CRLF3: variants seen among roughly 807,000 people sequenced by gnomAD.
The protein encoded by CRLF3 is cytokine receptor like factor 3.
Under a neutral mutation model 55.0 loss-of-function variants are expected in CRLF3, and 33 were observed. That is an observed-to-expected ratio of 0.60 (90% CI 0.46 to 0.80). The LOEUF (loss-of-function observed/expected upper bound fraction) is 0.80. Among genes scored for constraint, CRLF3 ranks in the 30% least tolerant of loss-of-function variants. The pLI is 0.00. For synonymous variants in CRLF3, 238 were observed against 196.8 expected (o/e 1.21, Z -1.75); for missense variants, 494 against 538.4 (o/e 0.92, Z 0.82).
chr17:30,791,367 G>A (rs188920024), intron 6 of CRLF3, among the ~76,000 whole-genome samples: 9 of 151,782 alleles, frequency 5.9e-5, no homozygotes, highest in Middle Eastern at 3.4e-3. Context: ...CATTGCGCCT[G>A]TCCTAATATT....
chr17:30,809,866 G>A (rs1202018820), intron 1 of CRLF3: 1 of 152,216 alleles, frequency 6.6e-6, no homozygotes, highest in Admixed American at 6.6e-5. Flanking sequence ...GCCCAGGCTG[G>A]TCTCGAACTC....
At chr17:30,815,801 C>T (rs1222345711) in intron 1 of CRLF3, among the ~76,000 whole-genome samples, 2 of 151,008 alleles carry the variant, frequency 1.3e-5, no homozygotes, top group Non-Finnish European at 2.9e-5. Context: ...GCCTTGGCCT[C>T]CCTAAATCCT....
In CRLF3 at chr17:30,824,667, G is replaced by A. The variant is rs1239431092; in HGVS notation, c.-16C>T. 1.3e-6 allele frequency: 2 copies of A among 1,584,086 alleles called. No individual in the cohort carries two copies. Among genetic ancestry groups the A allele is most frequent in the Non-Finnish European group, 1.7e-6 (2 of 1,171,658 alleles). ...CCCCCCTCATCTGGCCGCGCGGCCG[G>A]CGAAACCTAGCGCGGGTTCCCGACT... On this transcript the variant is annotated 5_prime_UTR_variant, in exon 1 of 8. Coordinates refer to ENST00000324238, the MANE Select transcript of CRLF3 (RefSeq NM_015986.4).
intron 1 of CRLF3, among the ~76,000 whole-genome samples, chr17:30,821,537 C>T (rs926394610): frequency 6.6e-6 from 1 of 152,066 alleles, no homozygotes; most frequent in Non-Finnish European, 1.5e-5. Flanking sequence ...ATCCAAATGT[C>T]CATTAATTGA....
chr17:30,791,521 ATTTT>A (rs879662887), intron 6 of CRLF3, among the ~76,000 whole-genome samples: 3 of 130,270 alleles, frequency 2.3e-5, no homozygotes, highest in Non-Finnish European at 4.9e-5. Flanking sequence ...GGCCTCTAAA[ATTTT>A]TTTTTTTTTT....
chr17:30,814,670 A>C (rs906241713), intron 1 of CRLF3, among the ~76,000 whole-genome samples: 20 of 151,726 alleles, frequency 1.3e-4, no homozygotes, highest in Non-Finnish European at 2.6e-4. Context: ...AAAAAAAAAA[A>C]TAGTTCTCTA....
At chr17:30,802,097 C>A (rs1972014299) in intron 2 of CRLF3, among the ~76,000 whole-genome samples, 1 of 151,876 alleles carries the variant, frequency 6.6e-6, no homozygotes, top group Non-Finnish European at 1.5e-5. Flanking sequence ...GCTCTGAATC[C>A]CAAAGGAAAG....
rs1343735155 is a variant in CRLF3 at position 30,815,306 on chromosome 17, G to A, written c.129+9217C>T. Among the ~76,000 whole-genome samples the A allele has an allele frequency of 1.1e-4, 16 of 151,314 alleles. No homozygotes were observed. The East Asian group carries it at 2.8e-3, about 26-fold the overall frequency. On this transcript the variant is annotated intron_variant, in intron 1 of 7. Coordinates refer to ENST00000324238, the MANE Select transcript of CRLF3 (RefSeq NM_015986.4). ...TCAGCATGTTGGCCAGGCTGGTCTC[G>A]AACTCCTGACCTCAGGTGATCCACC...
intron 1 of CRLF3, among the ~76,000 whole-genome samples, chr17:30,807,032 C>T (rs937742915): frequency 3.3e-5 from 5 of 152,266 alleles, no homozygotes; most frequent in South Asian, 4.1e-4. Context: ...AGGATCACCA[C>T]TGCAACCTGA....
chr17:30,797,375 C>A lies in CRLF3; in HGVS notation c.361G>T (p.Val121Leu). Reference sequence around the variant, plus strand: ...CACAGTTTCTCATTCTCTTCTCCCACACCACCAAGCATGGCGATTTCACCT... The same window carrying A: ...CACAGTTTCTCATTCTCTTCTCCCAAACCACCAAGCATGGCGATTTCACCT... The part of the protein sequence containing the change: ...REGEIAMLGG[V>L]GEENEKLWSF... The change falls in exon 3 of 8, where the codon GTG becomes TTG. Residue 121 changes from valine to leucine, a missense_variant. Physicochemically the swap from Val to Leu is conservative, Grantham distance 32. Coordinates refer to ENST00000324238, the MANE Select transcript of CRLF3 (RefSeq NM_015986.4). 1 of 1,613,840 alleles carries A rather than the reference C, an allele frequency of 6.2e-7. No homozygotes were observed. The highest frequency in any genetic ancestry group is 8.5e-7 in the Non-Finnish European group (1 of 1,179,762).
At chr17:30,792,097 C>T (rs1174315311) in intron 6 of CRLF3, among the ~76,000 whole-genome samples, 1 of 152,178 alleles carries the variant, frequency 6.6e-6, no homozygotes, top group Non-Finnish European at 1.5e-5. Context: ...ATCCACCTGC[C>T]TCGGCCTACC....
intron 4 of CRLF3, among the ~76,000 whole-genome samples, chr17:30,794,563 C>T (rs985300416): frequency 2.0e-5 from 3 of 152,080 alleles, no homozygotes; most frequent in Admixed American, 6.6e-5. Context: ...TTTGAGAGGC[C>T]GAAGCGGGTG....
At chr17:30,791,592 A>C (rs1238069115) in intron 6 of CRLF3, among the ~76,000 whole-genome samples, 1 of 148,548 alleles carries the variant, frequency 6.7e-6, no homozygotes, top group Non-Finnish European at 1.5e-5. Flanking sequence ...ATCTCGGCTC[A>C]CTGCAAGCTC....
intron 2 of CRLF3, 192 bp downstream of exon 2, chr17:30,803,709 T>C: frequency 1.7e-6 from 1 of 598,832 alleles, no homozygotes; most frequent in Non-Finnish European, 3.0e-6. Context: ...TTGGCTCTCA[T>C]TCTCTTCTCT....
intron 1 of CRLF3, among the ~76,000 whole-genome samples, chr17:30,819,280 A>G (rs1904914564): frequency 6.6e-6 from 1 of 152,188 alleles, no homozygotes; most frequent in South Asian, 2.1e-4. Context: ...CACAGACTAA[A>G]ATACTGGCAT....
At position 30,783,670 on chromosome 17, in the gene CRLF3, G is replaced by C; in HGVS notation, c.*517C>G. On this transcript the variant is annotated 3_prime_UTR_variant, in exon 8 of 8. Transcript: ENST00000324238. ...TTGGGGACTTAAAGATTACTGAAGA[G>C]GGGATAAAAGTCAACACTGCTTACA... 1 of 152,390 alleles carries C rather than the reference G, an allele frequency of 6.6e-6. No individual in the cohort carries two copies. The highest frequency in any genetic ancestry group is 2.4e-5 in the African/African-American group (1 of 41,432). The allele number at this position is 152,390 out of a possible 1,614,324, so 9.4% of individuals were successfully genotyped here.
chr17:30,824,668 C>A lies in CRLF3; in HGVS notation c.-17G>T, dbSNP rs1413353281. The A allele has an allele frequency of 4.4e-6, 7 of 1,583,448 alleles. No individual in the cohort carries two copies. Among genetic ancestry groups the A allele is most frequent in the Middle Eastern group, 1.9e-4 (1 of 5,294 alleles). ...CCCCCTCATCTGGCCGCGCGGCCGGCGAAACCTAGCGCGGGTTCCCGACTG... is the reference window on the plus strand; with the variant it reads ...CCCCCTCATCTGGCCGCGCGGCCGGAGAAACCTAGCGCGGGTTCCCGACTG... On this transcript the variant is annotated 5_prime_UTR_variant, in exon 1 of 8. Coordinates refer to ENST00000324238, the MANE Select transcript of CRLF3 (RefSeq NM_015986.4).
intron 1 of CRLF3, among the ~76,000 whole-genome samples, chr17:30,807,512 CTTTCCTTTTTTTTT>C (rs1904444981): frequency 4.6e-5 from 3 of 65,678 alleles, no homozygotes; most frequent in African/African-American, 1.7e-4. Context: ...AAACAATTTT[CTTTCCTTTTTTTTT>C]TTTTTTTTTT....
At chr17:30,786,128 T>C (rs552332799) in intron 6 of CRLF3, 97 bp from the exon 7 acceptor site, 50 of 724,036 alleles carry the variant, frequency 6.9e-5, no homozygotes, top group African/African-American at 6.7e-4. Context: ...CTCACCACAA[T>C]TGTTTTTTTC....
Sources: gnomAD v4.1 joint callset for allele counts (sites outside exome capture counted in the v4.1 genomes callset) on GRCh38, gnomAD v4.1.1 for gene constraint, MANE v1.5 for transcripts, NCBI Gene and HGNC (gene_info 2026-07-23, HGNC 2026-07-21) for gene names.